Variants in ANKH observed in about 807,000 individuals in gnomAD.
The protein encoded by ANKH is ANKH inorganic pyrophosphate transport regulator.
In ANKH, 15 loss-of-function variants were observed where a neutral mutation model predicts 49.0. The observed-to-expected ratio is 0.31, with a 90% CI of 0.20 to 0.47. The LOEUF is 0.47. ANKH is among the 20% of genes least tolerant of loss of function. The pLI, the probability that ANKH is intolerant of heterozygous loss-of-function variation, is 1.00. For synonymous variants in ANKH, 273 were observed against 260.0 expected (o/e 1.05, Z -0.48); for missense variants, 429 against 652.0 (o/e 0.66, Z 3.72).
chr5:14,812,499 C>T (rs1442062544), intron 1 of ANKH, among the ~76,000 whole-genome samples: 1 of 152,184 alleles, frequency 6.6e-6, no homozygotes, highest in Admixed American at 6.5e-5. Flanking sequence ...CTGTAACAAA[C>T]AGTTCTAGGG....
intron 1 of ANKH, among the ~76,000 whole-genome samples, chr5:14,841,078 C>T (rs929078782): frequency 2.1e-4 from 32 of 151,958 alleles, no homozygotes; most frequent in Admixed American, 8.5e-4. Context: ...TACTAATTGT[C>T]ACTACTGAGA....
intron 1 of ANKH, chr5:14,797,916 T>C (rs1261659218): frequency 3.7e-5 from 60 of 1,605,090 alleles, no homozygotes; most frequent in African/African-American, 5.4e-5. Context: ...TCCAGAAGGA[T>C]CTGGTTTAGA....
intron 1 of ANKH, among the ~76,000 whole-genome samples, chr5:14,841,556 C>CA (rs1741816971): frequency 6.6e-6 from 1 of 152,152 alleles, no homozygotes; most frequent in African/African-American, 2.4e-5. Flanking sequence ...TTTAGCCTCC[C>CA]AAAGTGCTAG....
intron 1 of ANKH, among the ~76,000 whole-genome samples, chr5:14,855,919 C>T (rs1376565947): frequency 6.6e-6 from 1 of 150,868 alleles, no homozygotes; most frequent in Admixed American, 6.6e-5. Flanking sequence ...CTGTCATTTG[C>T]TTGCTTCTGC....
intron 6 of ANKH, among the ~76,000 whole-genome samples, chr5:14,746,991 T>C (rs1738562239): frequency 6.6e-6 from 1 of 152,160 alleles, no homozygotes; most frequent in Non-Finnish European, 1.5e-5. Flanking sequence ...CACAGAACCC[T>C]CTAGTCTAGC....
In ANKH at chr5:14,716,805, CGTT is replaced by C; in HGVS notation, c.1039_1041del (p.Asn347del). ...ATGTCTATCAAGATTTTCTCAGACA[CGTT>C]GGGTGTCCAAAACATCACGAAACAG... On this transcript the variant is annotated inframe_deletion, in exon 9 of 12. Transcript: ENST00000284268. 4 of 1,614,076 alleles carry C rather than the reference CGTT, an allele frequency of 2.5e-6. No individual in the cohort carries two copies. The highest frequency in any genetic ancestry group is 3.4e-6 in the Non-Finnish European group (4 of 1,179,956).
Position 14,824,853 on chromosome 5 carries a change from C to T in ANKH, c.96+46499G>A, listed in dbSNP as rs749429891. Among the ~76,000 whole-genome samples, 76 of 152,134 alleles carry T rather than the reference C, an allele frequency of 5.0e-4. 1 individual carries two copies. Among genetic ancestry groups the T allele is most frequent in the Non-Finnish European group, 2.2e-4 (15 of 68,040 alleles). On this transcript the variant is annotated intron_variant, in intron 1 of 11. Transcript: ENST00000284268. ...CTGGTTACACGCCCCAAAAGGTGAG[C>T]AATATCACTTTCTCAACTCAGTGAA...
intron 1 of ANKH, chr5:14,797,172 T>G: frequency 7.5e-7 from 1 of 1,340,030 alleles, no homozygotes; most frequent in Non-Finnish European, 1.1e-6. Context: ...GTCTTCATCA[T>G]TATAAATGTT....
Position 14,758,477 on chromosome 5 carries a change from C to T in ANKH, c.432+3G>A, listed in dbSNP as rs1245948816. 9 of 1,609,086 alleles carry T rather than the reference C, an allele frequency of 5.6e-6. No individual in the cohort carries two copies. The Admixed American group carries it at 1.3e-4, about 24-fold the overall frequency. The stretch of plus-strand genomic sequence containing the variant: ...AAGAAAGCCAACGATCTTCTCTACT[C>T]ACCATTGCGTCCATGAAAGGAAAGG... On this transcript the variant is annotated splice_donor_region_variant and intron_variant, in intron 3 of 11. Transcript: ENST00000284268.
chr5:14,720,216 T>C (rs1223749062), intron 8 of ANKH, among the ~76,000 whole-genome samples: 3 of 152,170 alleles, frequency 2.0e-5, no homozygotes, highest in Admixed American at 6.5e-5. Flanking sequence ...ATTCCACTGG[T>C]TTTCAAAAAT....
chr5:14,809,848 T>C (rs1740825049), intron 1 of ANKH, among the ~76,000 whole-genome samples: 1 of 151,958 alleles, frequency 6.6e-6, no homozygotes, highest in South Asian at 2.1e-4. Context: ...GTCAGCCCCG[T>C]CTCGGTGTGA....
At chr5:14,736,464 A>G (rs1193557252) in intron 8 of ANKH, among the ~76,000 whole-genome samples, 2 of 138,380 alleles carry the variant, frequency 1.4e-5, no homozygotes, top group Admixed American at 6.9e-5. Context: ...AAACTCTTCT[A>G]AAGTTTATAG....
At position 14,798,628 on chromosome 5, in the gene ANKH, A is replaced by G. The variant is rs112661828; in HGVS notation, c.97-29437T>C. Among the ~76,000 whole-genome samples, 45 of 152,238 alleles carry G rather than the reference A, an allele frequency of 3.0e-4. 1 individual carries two copies. Among genetic ancestry groups the G allele is most frequent in the African/African-American group, 1.0e-3 (43 of 41,540 alleles). On this transcript the variant is annotated intron_variant, in intron 1 of 11. Transcript: ENST00000284268. ...ATTTTGGTAACTCTCGCAATATTTC[A>G]AACTTTTTCATTATTATTATATCTG...
At chr5:14,746,829 A>G (rs368470547) in intron 6 of ANKH, among the ~76,000 whole-genome samples, 174 of 152,310 alleles carry the variant, frequency 1.1e-3, no homozygotes, top group African/African-American at 3.8e-3. Context: ...ATATTTTTGC[A>G]AAGACGGTTT....
At chr5:14,817,606 G>A (rs1251375246) in intron 1 of ANKH, among the ~76,000 whole-genome samples, 3 of 152,186 alleles carry the variant, frequency 2.0e-5, no homozygotes, top group Non-Finnish European at 2.9e-5. Context: ...CTGATACAGA[G>A]TGACATCTGC....
chr5:14,754,696 C>A (rs1232392804), intron 4 of ANKH, among the ~76,000 whole-genome samples: 1 of 152,110 alleles, frequency 6.6e-6, no homozygotes, highest in Non-Finnish European at 1.5e-5. Context: ...CAGGGAAGTA[C>A]TAACAGTTCA....
Position 14,857,972 on chromosome 5 carries a change from T to A in ANKH, c.96+13380A>T, listed in dbSNP as rs562509924. Among the ~76,000 whole-genome samples the A allele has an allele frequency of 1.0e-3, 152 of 152,232 alleles. 1 individual carries two copies. The highest frequency in any genetic ancestry group is 3.1e-3 in the South Asian group (15 of 4,816). ...CGGTAATATTAATCCAAAGAAATAA[T>A]CAGATGTGTACAAAGATTTCTGTAC... On this transcript the variant is annotated intron_variant, in intron 1 of 11. Coordinates refer to ENST00000284268, the MANE Select transcript of ANKH (RefSeq NM_054027.6).
chr5:14,863,974 G>C (rs1247319231), intron 1 of ANKH, among the ~76,000 whole-genome samples: 1 of 152,172 alleles, frequency 6.6e-6, no homozygotes, highest in Non-Finnish European at 1.5e-5. Flanking sequence ...CAACAGTTTG[G>C]GAGGCTGAGA....
rs869185652 is a variant in ANKH, at chr5:14,771,921, GAAAA to G, written c.97-2734_97-2731del. Among the ~76,000 whole-genome samples, 36 of 53,396 alleles carry G rather than the reference GAAAA, an allele frequency of 6.7e-4. 1 individual carries two copies. Among genetic ancestry groups the G allele is most frequent in the African/African-American group, 2.2e-3 (32 of 14,502 alleles). The allele number at this position is 53,396 out of a possible 152,430, so 35.0% of individuals were successfully genotyped here. On this transcript the variant is annotated intron_variant, in intron 1 of 11. Transcript: ENST00000284268. ...AGAGTGAGACTGTGTCTCAAAAAAAGAAAAAAAAAAAAAAAAAAAAAAAAAACCA... is the reference window on the plus strand; with the variant it reads ...AGAGTGAGACTGTGTCTCAAAAAAAGAAAAAAAAAAAAAAAAAAAAAACCA...
Sources: allele counts gnomAD v4.1 joint callset (sites outside exome capture counted in the v4.1 genomes callset), GRCh38; gene constraint gnomAD v4.1.1; transcripts MANE v1.5; gene names NCBI Gene and HGNC (gene_info 2026-07-23, HGNC 2026-07-21).